The following APBA2 variants were observed in gnomAD, a reference collection of about 807,000 sequenced individuals.
APBA2 encodes amyloid beta precursor protein binding family A member 2.
APBA2 carries 30 observed loss-of-function variants against 75.0 expected under a neutral mutation model. The ratio of observed to expected loss-of-function variants is 0.40; its 90% CI spans 0.30 to 0.54. APBA2 has a LOEUF of 0.54. APBA2 is among the 20% of genes least tolerant of loss of function. The probability of loss-of-function intolerance (pLI) is 0.49; values close to 1 mark genes in which losing one functional copy is unlikely to be tolerated. For synonymous variants in APBA2, 444 were observed against 409.6 expected, an observed-to-expected ratio of 1.08 and a Z score of -1.01; for missense variants, 801 against 1,016.1, an observed-to-expected ratio of 0.79 and a Z score of 2.88.
At chr15:29,112,507 C>T (rs1367042330) in intron 13 of APBA2, among the ~76,000 whole-genome samples, 2 of 152,142 alleles carry the variant, frequency 1.3e-5, no homozygotes, top group African/African-American at 4.8e-5. Flanking sequence ...TTCTCCCATC[C>T]CAGGCCACTC....
chr15:29,051,806 G>T (rs1343473496), intron 3 of APBA2, among the ~76,000 whole-genome samples: 1 of 152,092 alleles, frequency 6.6e-6, no homozygotes, highest in Non-Finnish European at 1.5e-5. Context: ...CAAGATGAGA[G>T]CCCGGGCAGT....
Position 29,044,769 on chromosome 15 carries a change from A to C in APBA2, c.-40-9076A>C, listed in dbSNP as rs1735140027. Among the ~76,000 whole-genome samples the C allele has an allele frequency of 1.3e-5, 2 of 152,190 alleles. 1 individual carries two copies. The highest frequency in any genetic ancestry group is 4.1e-4 in the South Asian group (2 of 4,834). ...TACTTATTATGCAAAACCAGGACAT[A>C]ATGTGGGTTCAGCAGGGGAATAGTT... On this transcript the variant is annotated intron_variant, in intron 3 of 14. Transcript: ENST00000683413.
chr15:28,976,008 C>G (rs1008100181), intron 2 of APBA2, among the ~76,000 whole-genome samples: 1 of 152,216 alleles, frequency 6.6e-6, no homozygotes, highest in African/African-American at 2.4e-5. Flanking sequence ...TACTCCAAAT[C>G]CAAACATGCT....
chr15:29,117,211 G>T lies in APBA2; in HGVS notation c.*78G>T. ...CAGAGGAGCTGGGAGCCGGGCCGCAGACTTGACCCCGACGCCACAGCCCAG... is the reference window on the plus strand; with the variant it reads ...CAGAGGAGCTGGGAGCCGGGCCGCATACTTGACCCCGACGCCACAGCCCAG... On this transcript the variant is annotated 3_prime_UTR_variant, in exon 15 of 15. Coordinates refer to ENST00000683413, the MANE Select transcript of APBA2 (RefSeq NM_001353788.2). The T allele has an allele frequency of 7.1e-7, 1 of 1,402,706 alleles. No homozygotes were observed. The highest frequency in any genetic ancestry group is 1.7e-5 in the Admixed American group (1 of 59,034). 86.9% of individuals were successfully genotyped at this position (1,402,706 alleles called of 1,614,324 possible). A position where few individuals can be genotyped will look rare whatever the true frequency, so the allele number is the denominator to read the frequency against.
chr15:29,116,634 A>G (rs2045180461), intron 14 of APBA2, among the ~76,000 whole-genome samples: 1 of 151,866 alleles, frequency 6.6e-6, no homozygotes, highest in African/African-American at 2.4e-5. Flanking sequence ...TCTCAAAAAA[A>G]AAAAAAAAAG....
At chr15:29,011,315 C>T (rs540523707) in intron 3 of APBA2, among the ~76,000 whole-genome samples, 1 of 152,256 alleles carries the variant, frequency 6.6e-6, no homozygotes, top group South Asian at 2.1e-4. Flanking sequence ...TGTCCAGCAC[C>T]ATTTTTGGAT....
At chr15:29,091,596 C>T (rs186929164) in intron 6 of APBA2, among the ~76,000 whole-genome samples, 1 of 152,340 alleles carries the variant, frequency 6.6e-6, no homozygotes, top group Non-Finnish European at 1.5e-5. Flanking sequence ...CATTTGCCCT[C>T]TTGGGCAGCT....
intron 2 of APBA2, among the ~76,000 whole-genome samples, chr15:28,937,077 G>A (rs1051660644): frequency 6.6e-6 from 1 of 152,198 alleles, no homozygotes; most frequent in Non-Finnish European, 1.5e-5. Context: ...CTCCAGGATC[G>A]TATGCCTCCG....
chr15:29,085,235 T>A (rs1006740188), intron 6 of APBA2, among the ~76,000 whole-genome samples: 2 of 152,102 alleles, frequency 1.3e-5, no homozygotes, highest in Non-Finnish European at 2.9e-5. Flanking sequence ...ATTTAAAAAT[T>A]AATGAGTTGG....
intron 14 of APBA2, among the ~76,000 whole-genome samples, chr15:29,114,431 G>C (rs547974020): frequency 6.6e-6 from 1 of 152,286 alleles, no homozygotes; most frequent in African/African-American, 2.4e-5. Context: ...TTCTGGCATC[G>C]CTTCCACGGC....
intron 4 of APBA2, among the ~76,000 whole-genome samples, chr15:29,057,056 C>G (rs2041932584): frequency 6.6e-6 from 1 of 152,178 alleles, no homozygotes; most frequent in African/African-American, 2.4e-5. Context: ...AGCAGGTGCA[C>G]AGGGTGCCAT....
intron 2 of APBA2, among the ~76,000 whole-genome samples, chr15:28,928,499 C>G (rs560041081): frequency 1.3e-5 from 2 of 152,246 alleles, no homozygotes; most frequent in African/African-American, 4.8e-5. Context: ...GGTCTATAGT[C>G]TTCTGATTAC....
At chr15:28,934,541 G>A (rs1472696619) in intron 2 of APBA2, among the ~76,000 whole-genome samples, 3 of 152,306 alleles carry the variant, frequency 2.0e-5, no homozygotes, top group African/African-American at 4.8e-5. Context: ...GTCTATTGGC[G>A]CCTGTGTGGG....
At chr15:29,029,350 C>T (rs900555674) in intron 3 of APBA2, among the ~76,000 whole-genome samples, 3 of 151,474 alleles carry the variant, frequency 2.0e-5, no homozygotes, top group African/African-American at 7.3e-5. Context: ...AAAAACCCCT[C>T]TGTAGTAAAT....
intron 3 of APBA2, among the ~76,000 whole-genome samples, chr15:29,003,379 A>G (rs2038951408): frequency 6.6e-6 from 1 of 152,232 alleles, no homozygotes; most frequent in East Asian, 1.9e-4. Context: ...AAGCTAATGC[A>G]GGTGCTGAAT....
intron 3 of APBA2, among the ~76,000 whole-genome samples, chr15:29,042,485 C>G (rs1322023020): frequency 6.6e-6 from 1 of 152,080 alleles, no homozygotes; most frequent in African/African-American, 2.4e-5. Flanking sequence ...GTCTCAGTCT[C>G]CTGACCTTGT....
intron 4 of APBA2, among the ~76,000 whole-genome samples, chr15:29,057,016 G>A (rs138904498): frequency 3.2e-4 from 49 of 152,194 alleles, no homozygotes; most frequent in African/African-American, 1.1e-3. Flanking sequence ...CAGCCAGGCC[G>A]TGCCAGGAGC....
At chr15:29,088,234 C>T (rs2043382873) in intron 6 of APBA2, among the ~76,000 whole-genome samples, 1 of 152,180 alleles carries the variant, frequency 6.6e-6, no homozygotes, top group African/African-American at 2.4e-5. Flanking sequence ...TGGTACTTAG[C>T]AGAGCAGAGT....
At chr15:28,889,803 C>T (rs150992268) in intron 1 of APBA2, among the ~76,000 whole-genome samples, 23,337 of 152,254 alleles carry the variant, frequency 0.15, 1,815 homozygotes, top group Middle Eastern at 0.21. Context: ...TTGCCCACTC[C>T]CTGAAAGCCC....
Sources: allele counts gnomAD v4.1 joint callset (sites outside exome capture counted in the v4.1 genomes callset), GRCh38; gene constraint gnomAD v4.1.1; transcripts MANE v1.5; gene names NCBI Gene and HGNC (gene_info 2026-07-23, HGNC 2026-07-21).